Variants in IFNAR2 observed in about 807,000 individuals in gnomAD.
The protein encoded by IFNAR2 is interferon alpha and beta receptor subunit 2.
IFNAR2 carries 30 observed loss-of-function variants against 49.4 expected under a neutral mutation model. The ratio of observed to expected loss-of-function variants is 0.61; its 90% CI spans 0.45 to 0.82. IFNAR2 has a LOEUF of 0.82. IFNAR2 is among the 40% of genes least tolerant of loss of function. IFNAR2 has a pLI of 0.00. For synonymous variants in IFNAR2, 224 were observed against 234.5 expected (o/e 0.96, Z 0.41); for missense variants, 600 against 622.7 (o/e 0.96, Z 0.39).
Position 33,263,580 on chromosome 21 carries a change from C to A in IFNAR2, c.*80C>A. The A allele has an allele frequency of 7.5e-7, 1 of 1,335,162 alleles. No individual in the cohort carries two copies. Among genetic ancestry groups the A allele is most frequent in the Admixed American group, 2.5e-5 (1 of 40,494 alleles). The allele number at this position is 1,335,162 out of a possible 1,614,324, so 82.7% of individuals were successfully genotyped here. A position where few individuals can be genotyped will look rare whatever the true frequency, so the allele number is the denominator to read the frequency against. On this transcript the variant is annotated 3_prime_UTR_variant, in exon 9 of 9. Coordinates refer to ENST00000342136, the MANE Select transcript of IFNAR2 (RefSeq NM_001289125.3). ...TCTGCATCCTAACTTGCTGCCTTAT[C>A]GTCTGCAAGTGTTCTCCAAGGGAAG...
chr21:33,260,466 A>T, intron 7 of IFNAR2, 131 bp from the exon 8 acceptor site: 1 of 708,262 alleles, frequency 1.4e-6, no homozygotes, highest in Non-Finnish European at 2.2e-6. Flanking sequence ...GGTATTTCTC[A>T]ATATAAAACT....
At chr21:33,252,609 C>A in intron 6 of IFNAR2, 53 bp from the exon 7 acceptor site, 1 of 1,576,798 alleles carries the variant, frequency 6.3e-7, no homozygotes, top group Non-Finnish European at 8.6e-7. Flanking sequence ...GAGATTAAGG[C>A]CTACCTCTAA....
intron 5 of IFNAR2, among the ~76,000 whole-genome samples, chr21:33,247,729 T>C (rs1253918826): frequency 6.6e-6 from 1 of 152,254 alleles, no homozygotes; most frequent in Admixed American, 6.5e-5. Flanking sequence ...TAACACACTG[T>C]GTTAACAGCC....
chr21:33,234,739 G>C, intron 1 of IFNAR2: 1 of 985,204 alleles, frequency 1.0e-6, no homozygotes, highest in Non-Finnish European at 1.2e-6. Flanking sequence ...CAGTGTCACA[G>C]GGTGAACCTG....
chr21:33,230,143 C>T lies in IFNAR2; in HGVS notation c.-157C>T, dbSNP rs935870268. 1.1e-5 allele frequency: 11 copies of T among 993,496 alleles called. No individual in the cohort carries two copies. Among genetic ancestry groups the T allele is most frequent in the African/African-American group, 3.5e-5 (2 of 57,240 alleles). 61.5% of individuals were successfully genotyped at this position (993,496 alleles called of 1,614,324 possible). On this transcript the variant is annotated 5_prime_UTR_variant, in exon 1 of 9. Transcript: ENST00000342136. The surrounding 1 kb of genome is among the most constrained non-coding windows in gnomAD (Gnocchi z 5.5). ...CGAGGCGCATCCTGACCGCGAGCGT[C>T]GGGTCCCAGAGCCGGGCGCGGCTGG... is the stretch of plus-strand genomic sequence containing the variant.
intron 2 of IFNAR2, among the ~76,000 whole-genome samples, 192 bp from the exon 3 acceptor site, chr21:33,243,481 A>G (rs1327433017): frequency 6.6e-6 from 1 of 152,222 alleles, no homozygotes; most frequent in African/African-American, 2.4e-5. Context: ...ATCTCAGATC[A>G]CAGTCCTTGC....
intron 7 of IFNAR2, among the ~76,000 whole-genome samples, chr21:33,254,431 C>T (rs180962486): frequency 6.6e-6 from 1 of 152,198 alleles, no homozygotes; most frequent in East Asian, 1.9e-4. Context: ...TTGAAATGGC[C>T]CTGCAAAGCT....
intron 7 of IFNAR2, among the ~76,000 whole-genome samples, chr21:33,254,634 C>T (rs2123510001): frequency 6.6e-6 from 1 of 152,230 alleles, no homozygotes; most frequent in East Asian, 1.9e-4. Flanking sequence ...CCTCCGCAAC[C>T]CTTTGTCTTA....
chr21:33,260,136 G>A (rs1988465967), intron 7 of IFNAR2, among the ~76,000 whole-genome samples: 1 of 152,200 alleles, frequency 6.6e-6, no homozygotes, highest in African/African-American at 2.4e-5. Flanking sequence ...CCTGACTTGT[G>A]GCCCCAGCGT....
intron 7 of IFNAR2, 185 bp downstream of exon 7, chr21:33,253,015 G>A: frequency 1.6e-6 from 1 of 623,222 alleles, no homozygotes; most frequent in Non-Finnish European, 2.9e-6. Flanking sequence ...CTTTTATATT[G>A]TCATACCAAA....
chr21:33,262,084 C>G (rs1466845236), intron 8 of IFNAR2, among the ~76,000 whole-genome samples: 2 of 151,936 alleles, frequency 1.3e-5, no homozygotes, highest in South Asian at 2.1e-4. Context: ...AATAGTAAGC[C>G]TGGCCAGGCG....
intron 2 of IFNAR2, among the ~76,000 whole-genome samples, chr21:33,242,728 C>CAAAAAAAAAAAAAAAAAAA (rs1182507309): frequency 1.2e-4 from 6 of 48,578 alleles, no homozygotes; most frequent in African/African-American, 5.4e-4. Context: ...GACTCTGTCT[C>CAAAAAAAAAAAAAAAAAAA]AAAAAAAAAA....
Position 33,252,745 on chromosome 21 carries a change from A to T in IFNAR2, c.624A>T (p.Val208=), listed in dbSNP as rs571449422. 7 of 1,612,636 alleles carry T rather than the reference A, an allele frequency of 4.3e-6. No homozygotes were observed. Among genetic ancestry groups the T allele is most frequent in the Non-Finnish European group, 5.9e-6 (7 of 1,178,758 alleles). The stretch of plus-strand genomic sequence containing the variant: ...TAATTCCAAACACGAACTACTGTGT[A>T]TCTGTTTATTTAGAGCACAGTGATG... ...DKLIPNTNYC[V]SVYLEHSDEQ... Residue 208 remains valine, a synonymous_variant, in exon 7 of 9, where the codon GTA becomes GTT. Coordinates refer to ENST00000342136, the MANE Select transcript of IFNAR2 (RefSeq NM_001289125.3).
intron 7 of IFNAR2, among the ~76,000 whole-genome samples, chr21:33,257,470 C>T (rs754819403): frequency 9.9e-5 from 15 of 152,158 alleles, no homozygotes; most frequent in South Asian, 2.1e-4. Flanking sequence ...TTCCCGTGTT[C>T]GTTTCTGTCC....
intron 1 of IFNAR2, chr21:33,236,670 A>G (rs1436864752): frequency 9.7e-5 from 96 of 985,196 alleles, no homozygotes; most frequent in Non-Finnish European, 1.1e-4. Context: ...GAAGCCAGAC[A>G]GGGCCTGGGA....
chr21:33,247,246 CTTTCTTTCTT>C (rs1296165190), intron 5 of IFNAR2, among the ~76,000 whole-genome samples: 1 of 101,246 alleles, frequency 9.9e-6, no homozygotes, highest in South Asian at 2.9e-4. Context: ...TTCTTTCTTT[CTTTCTTTCTT>C]TTTTTTTTTT....
chr21:33,252,531 A>C, intron 6 of IFNAR2, 131 bp from the exon 7 acceptor site: 2 of 1,448,720 alleles, frequency 1.4e-6, no homozygotes, highest in South Asian at 3.0e-5. Flanking sequence ...GATGACTTAT[A>C]AATCCTTTTT....
In IFNAR2 at chr21:33,230,202, G is replaced by C; in HGVS notation, c.-98G>C. 1 of 1,039,540 alleles carries C rather than the reference G, an allele frequency of 9.6e-7. No homozygotes were observed. The highest frequency in any genetic ancestry group is 1.2e-6 in the Non-Finnish European group (1 of 859,960). 64.4% of individuals were successfully genotyped at this position (1,039,540 alleles called of 1,614,324 possible). ...GCTAGCATCTCTCGGGAGCCGCAAG[G>C]CGAGAGCTGCAAAGGTAACGCAGCG... On this transcript the variant is annotated 5_prime_UTR_variant, in exon 1 of 9. Transcript: ENST00000342136. This position sits in a 1 kb window ranked among gnomAD's most constrained non-coding sequence, Gnocchi z 5.5.
intron 1 of IFNAR2, among the ~76,000 whole-genome samples, chr21:33,236,132 G>A (rs1289718178): frequency 6.6e-6 from 1 of 152,098 alleles, no homozygotes; most frequent in Non-Finnish European, 1.5e-5. Context: ...GCCAGACAGA[G>A]GAAGATTGCA....
Sources: allele counts gnomAD v4.1 joint callset (sites outside exome capture counted in the v4.1 genomes callset), GRCh38; gene constraint gnomAD v4.1.1; non-coding constraint Gnocchi (gnomAD v3.1); transcripts MANE v1.5; gene names NCBI Gene and HGNC (gene_info 2026-07-23, HGNC 2026-07-21).